Variants in SIRT7 observed in about 807,000 individuals in gnomAD.
SIRT7 encodes the protein NAD-dependent protein deacetylase sirtuin-7.
A neutral mutation model predicts 42.8 loss-of-function variants in SIRT7; 32 were observed. The ratio of observed to expected loss-of-function variants is 0.75; its 90% CI spans 0.56 to 1.00. SIRT7 has a LOEUF of 1.00. Ranked by LOEUF, SIRT7 falls within the 50% of genes least tolerant of loss-of-function variation. The pLI is 0.00. For synonymous variants in SIRT7, 297 were observed against 245.2 expected (o/e 1.21, Z -1.97); for missense variants, 553 against 572.2 (o/e 0.97, Z 0.34).
Position 81,913,976 on chromosome 17 carries a change from G to A in SIRT7, c.898-96C>T. 1 of 1,547,760 alleles carries A rather than the reference G, an allele frequency of 6.5e-7. No individual in the cohort carries two copies. Among genetic ancestry groups the A allele is most frequent in the Middle Eastern group, 1.7e-4 (1 of 5,842 alleles). On this transcript the variant is annotated intron_variant, in intron 8 of 9. Coordinates refer to ENST00000328666, the MANE Select transcript of SIRT7 (RefSeq NM_016538.3). The surrounding 1 kb of genome is among the most constrained non-coding windows in gnomAD (Gnocchi z 5.0). ...CCTACGGGCTCAGTCGGTGCTCCCT[G>A]AGCACCCACGGGGGCCCTATCAGAC...
chr17:81,912,048 T>G lies in SIRT7; in HGVS notation c.*368A>C. On this transcript the variant is annotated 3_prime_UTR_variant, in exon 10 of 10. Coordinates refer to ENST00000328666, the MANE Select transcript of SIRT7 (RefSeq NM_016538.3). ...AGAGAGGATTCTATAAAGTTCACAC[T>G]TTTTCATTAAGTAGTAGTAGAAATA... The G allele has an allele frequency of 2.9e-6, 1 of 346,908 alleles. No homozygotes were observed. Among genetic ancestry groups the G allele is most frequent in the Non-Finnish European group, 5.4e-6 (1 of 184,742 alleles). The allele number at this position is 346,908 out of a possible 1,614,324, so 21.5% of individuals were successfully genotyped here.
chr17:81,915,883 C>T, intron 3 of SIRT7: 1 of 599,162 alleles, frequency 1.7e-6, no homozygotes, highest in Non-Finnish European at 3.0e-6. Flanking sequence ...ACCTGGACTT[C>T]CGTTTCCCGC....
rs148268197 is a variant in SIRT7 at position 81,912,504 on chromosome 17, C to G, written c.1115G>C (p.Arg372Pro). 2.5e-6 allele frequency: 4 copies of G among 1,613,864 alleles called. No homozygotes were observed. Among genetic ancestry groups the G allele is most frequent in the South Asian group, 1.1e-5 (1 of 91,080 alleles). ...RSREEAPPGD[R>P]GAPLSSAPIL... ...GGGGGCCGAGCTAAGCGGTGCACCC[C>G]GGTCCCCAGGCGGGGCCTCCTCTCT... Residue 372 changes from arginine (R) to proline (P), a missense_variant, in exon 10 of 10, where the codon CGG becomes CCG. Arg to Pro is a moderately radical substitution (Grantham distance 103). Transcript: ENST00000328666.
At chr17:81,912,720 C>G (rs1051584115) in intron 9 of SIRT7, 106 bp from the exon 10 acceptor site, 7 of 1,236,056 alleles carry the variant, frequency 5.7e-6, no homozygotes, top group South Asian at 1.3e-5. Flanking sequence ...CCATCCCCTT[C>G]CCTCCCGTGT....
rs1417350331 is a variant in SIRT7, at chr17:81,913,726, C to T, written c.1004+48G>A. On this transcript the variant is annotated intron_variant, in intron 9 of 9. Transcript: ENST00000328666. This position sits in a 1 kb window ranked among gnomAD's most constrained non-coding sequence, Gnocchi z 5.0. The stretch of plus-strand genomic sequence containing the variant: ...CTCACGAGAGAAGACAGACAAGGCC[C>T]AGCACACAGAGGTGCGGGGAAGCAG... 6 of 1,467,704 alleles carry T rather than the reference C, an allele frequency of 4.1e-6. No homozygotes were observed. Among genetic ancestry groups the T allele is most frequent in the Non-Finnish European group, 5.6e-6 (6 of 1,073,606 alleles). The allele number at this position is 1,467,704 out of a possible 1,614,324, so 90.9% of individuals were successfully genotyped here. A position where few individuals can be genotyped will look rare whatever the true frequency, so the allele number is the denominator to read the frequency against.
rs2040736961 is a variant in SIRT7 at position 81,913,705 on chromosome 17, C to T, written c.1004+69G>A. 6.8e-6 allele frequency: 9 copies of T among 1,332,256 alleles called. No individual in the cohort carries two copies. The highest frequency in any genetic ancestry group is 1.3e-5 in the South Asian group (1 of 78,666). 82.5% of individuals were successfully genotyped at this position (1,332,256 alleles called of 1,614,324 possible). A position where few individuals can be genotyped will look rare whatever the true frequency, so the allele number is the denominator to read the frequency against. On this transcript the variant is annotated intron_variant, in intron 9 of 9. Transcript: ENST00000328666. This position sits in a 1 kb window ranked among gnomAD's most constrained non-coding sequence, Gnocchi z 5.0. ...CAGAGCTTCCTCCACACTCAGCTCA[C>T]GAGAGAAGACAGACAAGGCCCAGCA...
At chr17:81,914,947 A>T in intron 5 of SIRT7, 1 of 561,900 alleles carries the variant, frequency 1.8e-6, no homozygotes, top group East Asian at 3.0e-5. Flanking sequence ...AGTGGCTGGG[A>T]GGGCAAGAGG....
intron 5 of SIRT7, chr17:81,914,948 G>T: frequency 1.8e-6 from 1 of 563,118 alleles, no homozygotes; most frequent in Non-Finnish European, 3.2e-6. Flanking sequence ...GTGGCTGGGA[G>T]GGCAAGAGGT....
At chr17:81,914,879 A>C in intron 5 of SIRT7, 177 bp from the exon 6 acceptor site, 2 of 605,742 alleles carry the variant, frequency 3.3e-6, no homozygotes, top group Non-Finnish European at 5.9e-6. Flanking sequence ...AACCACCAGG[A>C]GTCAAGAGGG....
rs531318157 is a variant in SIRT7, at chr17:81,914,405, G to A, written c.705C>T (p.Thr235=). Residue 235 remains threonine (T), a synonymous_variant, in exon 7 of 10, where the codon ACC becomes ACT. Coordinates refer to ENST00000328666, the MANE Select transcript of SIRT7 (RefSeq NM_016538.3). The part of the protein sequence containing the change: ...CHKCGTQLRD[T]IVHFGERGTL... ...TCCCCCTCTCCCCAAAGTGCACAATGGTGTCCCGCAGCTGGGTCCCACACT... is the reference window on the plus strand; with the variant it reads ...TCCCCCTCTCCCCAAAGTGCACAATAGTGTCCCGCAGCTGGGTCCCACACT... The A allele has an allele frequency of 6.2e-7, 1 of 1,613,242 alleles. No homozygotes were observed. Among genetic ancestry groups the A allele is most frequent in the East Asian group, 2.2e-5 (1 of 44,884 alleles).
chr17:81,917,925 C>A lies in SIRT7; in HGVS notation c.136G>T (p.Glu46Ter), dbSNP rs1016849597. ...CTCTCGGCCAGCAGCCGGCCCTCCT[C>A]GGCGCTGCGCTCCGCCGCCGCCTTC... is the stretch of plus-strand genomic sequence containing the variant. ...LRKAAAERSA[E>*]EGRLLAESAD... The change falls in exon 2 of 10, where the codon GAG (glutamate) becomes TAG (stop). Residue 46 changes from glutamate (E) to a stop codon, truncating the protein, a stop_gained. Transcript: ENST00000328666. LOFTEE classifies it high-confidence loss of function. The A allele has an allele frequency of 1.4e-6, 2 of 1,397,724 alleles. No homozygotes were observed. Among genetic ancestry groups the A allele is most frequent in the Non-Finnish European group, 9.3e-7 (1 of 1,076,968 alleles). 86.6% of individuals were successfully genotyped at this position (1,397,724 alleles called of 1,614,324 possible). A position where few individuals can be genotyped will look rare whatever the true frequency, so the allele number is the denominator to read the frequency against.
chr17:81,915,304 C>G lies in SIRT7; in HGVS notation c.480+136G>C, dbSNP rs111603766. 0.016 allele frequency: 15,329 copies of G among 939,102 alleles called. 1,572 individuals carry two copies. In the African/African-American group the frequency reaches 0.22, roughly 13 times the overall value. The allele number at this position is 939,102 out of a possible 1,614,324, so 58.2% of individuals were successfully genotyped here. A position where few individuals can be genotyped will look rare whatever the true frequency, so the allele number is the denominator to read the frequency against. On this transcript the variant is annotated intron_variant, in intron 5 of 9. Transcript: ENST00000328666. ...GTCAAGCACAGGAGGATCAAACCCG[C>G]GGCCTAACCCGCTTGGTGGGTGCTC...
In SIRT7 at chr17:81,912,214, C is replaced by G. The variant is rs1190100856; in HGVS notation, c.*202G>C. 3.1e-6 allele frequency: 2 copies of G among 635,408 alleles called. No homozygotes were observed. Among genetic ancestry groups the G allele is most frequent in the Non-Finnish European group, 5.5e-6 (2 of 364,956 alleles). 39.4% of individuals were successfully genotyped at this position (635,408 alleles called of 1,614,324 possible). ...CCTCTTGACACAGAGGCCGGATGGG[C>G]AGGTGTCCTCGATGGCCAGGCCGTA... On this transcript the variant is annotated 3_prime_UTR_variant, in exon 10 of 10. Transcript: ENST00000328666.
intron 9 of SIRT7, 89 bp from the exon 10 acceptor site, chr17:81,912,703 T>TG (rs1567906061): frequency 1.5e-6 from 2 of 1,373,662 alleles, no homozygotes; most frequent in Non-Finnish European, 2.0e-6. Flanking sequence ...CTGCGGTCCC[T>TG]GCCTTCCCAT....
intron 9 of SIRT7, 135 bp from the exon 10 acceptor site, chr17:81,912,749 G>T: frequency 1.1e-6 from 1 of 929,746 alleles, no homozygotes. Context: ...GCGGGGCTCT[G>T]GTTGGCGGCA....
At chr17:81,915,207 C>A (rs2040772627) in intron 5 of SIRT7, 2 of 590,088 alleles carry the variant, frequency 3.4e-6, no homozygotes, top group East Asian at 5.6e-5. Context: ...GAAAGGCCAC[C>A]AGCAGCTCTG....
Position 81,914,857 on chromosome 17 carries a change from C to T in SIRT7, c.481-155G>A, listed in dbSNP as rs976449406. 4.7e-6 allele frequency: 3 copies of T among 634,302 alleles called. No homozygotes were observed. The African/African-American group carries it at 5.4e-5, about 12-fold the overall frequency. 39.3% of individuals were successfully genotyped at this position (634,302 alleles called of 1,614,324 possible). Reference sequence around the variant, plus strand: ...CCAGAGAGCCTTAGAAAGTAAAACACACAACAGGTCCAACCACCAGGAGTC... The same window carrying T: ...CCAGAGAGCCTTAGAAAGTAAAACATACAACAGGTCCAACCACCAGGAGTC... On this transcript the variant is annotated intron_variant, in intron 5 of 9. Transcript: ENST00000328666.
chr17:81,914,991 G>A (rs531111969), intron 5 of SIRT7: 11 of 523,030 alleles, frequency 2.1e-5, no homozygotes, highest in East Asian at 1.4e-4. Context: ...GAAGTGGCTC[G>A]GGGTTTGGCA....
At position 81,911,965 on chromosome 17, in the gene SIRT7, T is replaced by G. The variant is rs994180731; in HGVS notation, c.*451A>C. On this transcript the variant is annotated 3_prime_UTR_variant, in exon 10 of 10. Coordinates refer to ENST00000328666, the MANE Select transcript of SIRT7 (RefSeq NM_016538.3). ...CCAGTGCAGAAACGTTTAATAGAAA[T>G]AAAAAGGTCTGCATAGAGCCGAGGC... 5.5e-6 allele frequency: 1 copy of G among 181,978 alleles called. No individual in the cohort carries two copies. Among genetic ancestry groups the G allele is most frequent in the Admixed American group, 5.4e-5 (1 of 18,540 alleles). 11.3% of individuals were successfully genotyped at this position (181,978 alleles called of 1,614,324 possible).
Sources: gnomAD v4.1 joint callset for allele counts on GRCh38, gnomAD v4.1.1 for gene constraint, Gnocchi (gnomAD v3.1) non-coding constraint, MANE v1.5 for transcripts, NCBI Gene and HGNC (gene_info 2026-07-23, HGNC 2026-07-21) for gene names.